BACH2: variants seen among roughly 807,000 people sequenced by gnomAD.
BACH2 encodes transcription regulator protein BACH2.
BACH2 carries 5 observed loss-of-function variants against 61.8 expected under a neutral mutation model. That is an observed-to-expected ratio of 0.08 (90% CI 0.04 to 0.17). The LOEUF (loss-of-function observed/expected upper bound fraction) is 0.17. Among genes scored for constraint, BACH2 ranks in the 10% least tolerant of loss-of-function variants. The pLI is 1.00. For missense variants in BACH2, 824 were observed against 1,091.1 expected (o/e 0.76, Z 3.45); for synonymous variants, 446 against 440.1 (o/e 1.01, Z -0.17).
At chr6:90,011,849 A>C (rs1777728905) in intron 5 of BACH2, among the ~76,000 whole-genome samples, 1 of 21,702 alleles carries the variant, frequency 4.6e-5, no homozygotes, top group Non-Finnish European at 9.0e-5. Flanking sequence ...TGAACCCAGA[A>C]GGCGGAGGTT....
intron 4 of BACH2, among the ~76,000 whole-genome samples, chr6:90,202,347 G>A (rs1490416178): frequency 6.6e-6 from 1 of 152,170 alleles, no homozygotes; most frequent in African/African-American, 2.4e-5. Flanking sequence ...GTTGACTGTA[G>A]AGATACTGAT....
At chr6:90,146,022 C>T (rs1784605802) in intron 4 of BACH2, among the ~76,000 whole-genome samples, 1 of 152,176 alleles carries the variant, frequency 6.6e-6, no homozygotes, top group Non-Finnish European at 1.5e-5. Flanking sequence ...AGAATTTTTG[C>T]TTTAAAATTT....
chr6:90,147,400 G>A (rs1447622687), intron 4 of BACH2, among the ~76,000 whole-genome samples: 1 of 152,120 alleles, frequency 6.6e-6, no homozygotes, highest in Non-Finnish European at 1.5e-5. Flanking sequence ...GCTGTTCGCA[G>A]CTTGTCACAT....
intron 6 of BACH2, among the ~76,000 whole-genome samples, chr6:89,994,579 G>A (rs765586482): frequency 6.6e-6 from 1 of 152,180 alleles, no homozygotes; most frequent in Admixed American, 6.5e-5. Flanking sequence ...AGAGCCCCGA[G>A]TTGGACGGAA....
chr6:89,987,981 C>T (rs1776335535), intron 6 of BACH2, among the ~76,000 whole-genome samples: 1 of 152,132 alleles, frequency 6.6e-6, no homozygotes, highest in African/African-American at 2.4e-5. Flanking sequence ...TTGAACTTCT[C>T]CAAGTCTCCT....
At chr6:90,184,184 A>G (rs182536542) in intron 4 of BACH2, among the ~76,000 whole-genome samples, 197 of 152,344 alleles carry the variant, frequency 1.3e-3, no homozygotes, top group Non-Finnish European at 1.5e-3. Flanking sequence ...ATCATTTAAA[A>G]AAGTGCCAGG....
At chr6:90,295,249 G>C (rs1465889106) in intron 1 of BACH2, among the ~76,000 whole-genome samples, 2 of 152,294 alleles carry the variant, frequency 1.3e-5, no homozygotes, top group South Asian at 2.1e-4. Flanking sequence ...CCCCGGCAGC[G>C]GCCGCGCCGG....
At chr6:90,177,271 C>A (rs1192304558) in intron 4 of BACH2, among the ~76,000 whole-genome samples, 2 of 152,168 alleles carry the variant, frequency 1.3e-5, no homozygotes, top group East Asian at 3.9e-4. Context: ...ACACTGCAGA[C>A]TACTTGAGGG....
intron 6 of BACH2, among the ~76,000 whole-genome samples, chr6:89,956,401 C>A (rs1167430578): frequency 6.6e-6 from 1 of 152,132 alleles, no homozygotes; most frequent in Admixed American, 6.5e-5. Context: ...TGGTTCAACC[C>A]TGAAAGAAAT....
At chr6:90,087,719 A>G (rs1582337345) in intron 5 of BACH2, among the ~76,000 whole-genome samples, 1 of 146,406 alleles carries the variant, frequency 6.8e-6, no homozygotes, top group African/African-American at 2.5e-5. Context: ...TTCCCTTCCC[A>G]TGTGTGTGTT....
intron 2 of BACH2, among the ~76,000 whole-genome samples, chr6:90,270,959 A>T (rs186028629): frequency 3.7e-4 from 57 of 152,350 alleles, no homozygotes; most frequent in African/African-American, 1.3e-3. Context: ...CAAAGCAAAC[A>T]AAAACATAAA....
At chr6:90,055,525 T>G (rs888875683) in intron 5 of BACH2, among the ~76,000 whole-genome samples, 3 of 152,010 alleles carry the variant, frequency 2.0e-5, no homozygotes, top group Non-Finnish European at 4.4e-5. Context: ...ACGGGGAGAA[T>G]GGAACCAAGT....
rs183270044 is a variant in BACH2, at chr6:90,152,611, A to C, written c.-162+53958T>G. ...TACTTTTTAAAAATCATTTTCATTGAAAGTCTTGAATGTAGCATAGCATCA... is the reference window on the plus strand; with the variant it reads ...TACTTTTTAAAAATCATTTTCATTGCAAGTCTTGAATGTAGCATAGCATCA... On this transcript the variant is annotated intron_variant, in intron 4 of 8. Coordinates refer to ENST00000257749, the MANE Select transcript of BACH2 (RefSeq NM_021813.4). 5.3e-5 allele frequency among the ~76,000 whole-genome samples: 8 copies of C among 152,336 alleles called. 1 individual carries two copies. The highest frequency in any genetic ancestry group is 4.6e-4 in the Admixed American group (7 of 15,306).
At chr6:90,281,795 CACAA>C (rs1346082234) in intron 1 of BACH2, among the ~76,000 whole-genome samples, 1 of 152,060 alleles carries the variant, frequency 6.6e-6, no homozygotes, top group Non-Finnish European at 1.5e-5. Context: ...CTAAGCATGT[CACAA>C]ACATTGACTC....
intron 4 of BACH2, among the ~76,000 whole-genome samples, chr6:90,192,617 T>C (rs1768614199): frequency 6.6e-6 from 1 of 152,202 alleles, no homozygotes. Context: ...TAGTAGAACA[T>C]GTAACAAAAA....
chr6:90,189,614 C>CAAAAAA (rs59022545), intron 4 of BACH2, among the ~76,000 whole-genome samples: 2 of 47,768 alleles, frequency 4.2e-5, no homozygotes, highest in Admixed American at 2.2e-4. Flanking sequence ...GACTCCGTCT[C>CAAAAAA]AAAAAAAAAA....
Position 90,254,186 on chromosome 6 carries a change from T to C in BACH2, c.-352-1596A>G, listed in dbSNP as rs118094090. ...AGAGAGAGAAACAAAATCAATAGAC[T>C]ATCATCTCAATATCTAGTATGAAGC... On this transcript the variant is annotated intron_variant, in intron 2 of 8. Coordinates refer to ENST00000257749, the MANE Select transcript of BACH2 (RefSeq NM_021813.4). 8.3e-3 allele frequency among the ~76,000 whole-genome samples: 1,258 copies of C among 151,390 alleles called. 8 individuals are homozygous for C. The highest frequency in any genetic ancestry group is 0.027 in the Middle Eastern group (8 of 294).
intron 3 of BACH2, among the ~76,000 whole-genome samples, chr6:90,227,436 A>G (rs1769953123): frequency 6.6e-6 from 1 of 152,330 alleles, no homozygotes; most frequent in African/African-American, 2.4e-5. Context: ...ATTAGGAAAT[A>G]TCAGAGGAAA....
chr6:90,148,426 A>C (rs1455272114), intron 4 of BACH2, among the ~76,000 whole-genome samples: 2 of 152,232 alleles, frequency 1.3e-5, no homozygotes, highest in African/African-American at 4.8e-5. Flanking sequence ...TTTCAAGGAT[A>C]TCTGAAAAGA....
Sources: allele counts gnomAD v4.1 joint callset (sites outside exome capture counted in the v4.1 genomes callset), GRCh38; gene constraint gnomAD v4.1.1; transcripts MANE v1.5; gene names NCBI Gene and HGNC (gene_info 2026-07-23, HGNC 2026-07-21).